TMEM225B: variants seen among roughly 807,000 people sequenced by gnomAD.
TMEM225B encodes transmembrane protein 225-like.
In TMEM225B, 10 loss-of-function variants were observed where a neutral mutation model predicts 16.9. The observed-to-expected ratio is 0.59, with a 90% CI of 0.36 to 1.00. The LOEUF (loss-of-function observed/expected upper bound fraction) is 1.00. Among genes scored for constraint, TMEM225B ranks in the 50% least tolerant of loss-of-function variants. The pLI is 0.01. For synonymous variants in TMEM225B, 92 were observed against 109.8 expected, an observed-to-expected ratio of 0.84 and a Z score of 1.01; for missense variants, 217 against 267.0, an observed-to-expected ratio of 0.81 and a Z score of 1.30.
rs1008242880 is a variant in TMEM225B, at chr7:99,604,503, C to A, written c.115C>A (p.Arg39=). The stretch of plus-strand genomic sequence containing the variant: ...GGTCTCCATCTTTCCCTTCTGGGTG[C>A]GACTGACAAACGAGGAGTCCCACGA... ...LVVSIFPFWV[R]LTNEESHEVF... The change falls in exon 3 of 6, where the codon CGA becomes AGA. Residue 39 remains arginine (R), a synonymous_variant. Transcript: ENST00000431679. The A allele has an allele frequency of 3.3e-6, 5 of 1,535,844 alleles. No individual in the cohort carries two copies. The African/African-American group carries it at 4.1e-5, about 13-fold the overall frequency.
chr7:99,608,116 G>A (rs1036433877), intron 5 of TMEM225B, among the ~76,000 whole-genome samples: 5 of 152,078 alleles, frequency 3.3e-5, no homozygotes, highest in African/African-American at 4.8e-5. Flanking sequence ...TTAGCTGGGC[G>A]TGATGGCACA....
chr7:99,608,839 G>GTATATATATATATATATA (rs72285430), intron 5 of TMEM225B, among the ~76,000 whole-genome samples: 2,096 of 132,350 alleles, frequency 0.016, 33 homozygotes, highest in Non-Finnish European at 0.02. Context: ...GTGTGTGCAC[G>GTATATATATATATATATA]TATATATATA....
chr7:99,600,399 C>G, intron 2 of TMEM225B, 114 bp downstream of exon 2: 2 of 667,360 alleles, frequency 3.0e-6, no homozygotes, highest in South Asian at 1.6e-5. Flanking sequence ...GGGAGCAGAA[C>G]AGGCACCCCC....
intron 5 of TMEM225B, among the ~76,000 whole-genome samples, chr7:99,608,547 CT>C (rs542884054): frequency 0.069 from 8,824 of 128,760 alleles, 698 homozygotes; most frequent in African/African-American, 0.2. Context: ...CTGTCTCTAC[CT>C]TTTTTTTTTT....
chr7:99,608,020 C>A (rs966237017), intron 5 of TMEM225B, among the ~76,000 whole-genome samples: 1 of 152,172 alleles, frequency 6.6e-6, no homozygotes, highest in Non-Finnish European at 1.5e-5. Context: ...TTCGGGAGGC[C>A]GAGATGGGTG....
intron 5 of TMEM225B, among the ~76,000 whole-genome samples, chr7:99,608,749 A>G (rs1806053322): frequency 1.4e-5 from 2 of 147,720 alleles, no homozygotes; most frequent in Non-Finnish European, 1.5e-5. Context: ...ACACACACAC[A>G]CACACACACA....
chr7:99,608,734 T>TAC (rs35501095), intron 5 of TMEM225B, among the ~76,000 whole-genome samples: 1,439 of 113,670 alleles, frequency 0.013, 14 homozygotes, highest in East Asian at 0.06. Context: ...TATATATATA[T>TAC]ACACACACAC....
rs1288243674 is a variant in TMEM225B at position 99,601,726 on chromosome 7, G to A, written c.-4+1441G>A. Among the ~76,000 whole-genome samples, 3 of 152,240 alleles carry A rather than the reference G, an allele frequency of 2.0e-5. No individual in the cohort carries two copies. The East Asian group carries it at 5.8e-4, about 29-fold the overall frequency. On this transcript the variant is annotated intron_variant, in intron 2 of 5. Coordinates refer to ENST00000431679, the MANE Select transcript of TMEM225B (RefSeq NM_001195541.3). ...CTGTTTATAACCAGGGTACTTGGGT[G>A]TGGGGGGTACAGGAAGGGAGCCACA... is the stretch of plus-strand genomic sequence containing the variant.
intron 5 of TMEM225B, among the ~76,000 whole-genome samples, chr7:99,610,173 T>G (rs1806224150): frequency 6.6e-6 from 1 of 152,230 alleles, no homozygotes; most frequent in South Asian, 2.1e-4. Flanking sequence ...GCTACATGAT[T>G]GCTGAGATGT....
At chr7:99,600,531 G>C (rs1805272652) in intron 2 of TMEM225B, among the ~76,000 whole-genome samples, 2 of 152,176 alleles carry the variant, frequency 1.3e-5, no homozygotes, top group Non-Finnish European at 2.9e-5. Context: ...GGCTGCAGAG[G>C]CCTCACAATC....
intron 2 of TMEM225B, among the ~76,000 whole-genome samples, chr7:99,603,997 C>T (rs1362122647): frequency 2.0e-5 from 3 of 152,010 alleles, no homozygotes; most frequent in Non-Finnish European, 2.9e-5. Context: ...TCAAGCGATC[C>T]GCCTGTCTCA....
At chr7:99,606,961 T>G (rs1375987749) in intron 4 of TMEM225B, 67 bp downstream of exon 4, 3 of 1,493,902 alleles carry the variant, frequency 2.0e-6, no homozygotes, top group African/African-American at 2.8e-5. Context: ...GAAAGAGGGG[T>G]GCTCAGTCTC....
chr7:99,598,348 C>G lies in TMEM225B; in HGVS notation c.-118C>G, dbSNP rs1805016177. 6.6e-6 allele frequency: 1 copy of G among 152,466 alleles called. No individual in the cohort carries two copies. The highest frequency in any genetic ancestry group is 1.5e-5 in the Non-Finnish European group (1 of 68,246). 9.4% of individuals were successfully genotyped at this position (152,466 alleles called of 1,614,324 possible). On this transcript the variant is annotated 5_prime_UTR_variant, in exon 1 of 6. Transcript: ENST00000431679. The stretch of plus-strand genomic sequence containing the variant: ...GACCCGCCTGGAGGGCAGCCCAGCT[C>G]TGGGACGCGAAACCGCCTACGACGG...
intron 5 of TMEM225B, among the ~76,000 whole-genome samples, chr7:99,608,719 ATAT>A (rs200173675): frequency 0.034 from 3,590 of 107,084 alleles, 195 homozygotes; most frequent in African/African-American, 0.17. Context: ...AAAAAAAAAT[ATAT>A]ATATATATAT....
intron 2 of TMEM225B, among the ~76,000 whole-genome samples, chr7:99,603,789 T>C (rs896740313): frequency 6.6e-6 from 1 of 151,238 alleles, no homozygotes; most frequent in African/African-American, 2.4e-5. Context: ...TGAGACAAGG[T>C]CTTGCTCTGT....
At chr7:99,604,743 C>G (rs1403019916) in intron 3 of TMEM225B, 147 bp downstream of exon 3, 1 of 700,362 alleles carries the variant, frequency 1.4e-6, no homozygotes, top group East Asian at 2.7e-5. Flanking sequence ...CTTGTAATCC[C>G]AGCACTCTGG....
intron 2 of TMEM225B, among the ~76,000 whole-genome samples, chr7:99,604,079 G>A (rs2151203087): frequency 6.6e-6 from 1 of 152,274 alleles, no homozygotes; most frequent in South Asian, 2.1e-4. Flanking sequence ...TTAAAGCTGA[G>A]GAGGCCTTGT....
chr7:99,605,803 G>T (rs1805761978), intron 3 of TMEM225B, among the ~76,000 whole-genome samples: 1 of 152,152 alleles, frequency 6.6e-6, no homozygotes, highest in South Asian at 2.1e-4. Flanking sequence ...GCCCAGGCTG[G>T]TCTCCAACTC....
rs762440884 is a variant in TMEM225B at position 99,607,679 on chromosome 7, G to A, written c.362G>A (p.Cys121Tyr). The A allele has an allele frequency of 3.3e-6, 5 of 1,535,672 alleles. No homozygotes were observed. Among genetic ancestry groups the A allele is most frequent in the South Asian group, 1.2e-5 (1 of 84,042 alleles). Residue 121 changes from cysteine (C) to tyrosine (Y), a missense_variant, in exon 5 of 6, where the codon TGT (cysteine) becomes TAT (tyrosine). Cys to Tyr is a radical substitution (Grantham distance 194, BLOSUM62 -2). Transcript: ENST00000431679. ...LACISFFTGACAFLALVLHAL... is the reference protein window; with the variant it reads ...LACISFFTGAYAFLALVLHAL... Reference sequence around the variant, plus strand: ...TCTCCCTGTGACCCTCCAGGGGCCTGTGCCTTCCTGGCTTTGGTGCTGCAT... The same window carrying A: ...TCTCCCTGTGACCCTCCAGGGGCCTATGCCTTCCTGGCTTTGGTGCTGCAT...
Sources: allele counts gnomAD v4.1 joint callset (sites outside exome capture counted in the v4.1 genomes callset), GRCh38; gene constraint gnomAD v4.1.1; transcripts MANE v1.5; gene names NCBI Gene and HGNC (gene_info 2026-07-23, HGNC 2026-07-21).